Variants in NRXN3 observed in about 807,000 individuals in gnomAD.
The protein encoded by NRXN3 is neurexin 3, also known as neurexin III.
In NRXN3, 32 loss-of-function variants were observed where a neutral mutation model predicts 137.6. That is an observed-to-expected ratio of 0.23 (90% confidence interval 0.18 to 0.31). NRXN3 has a LOEUF of 0.31. Ranked by LOEUF, NRXN3 falls within the 10% of genes least tolerant of loss-of-function variation. The pLI is 1.00. For synonymous variants in NRXN3, 798 were observed against 784.5 expected (o/e 1.02, Z -0.29); for missense variants, 1,574 against 2,062.5 (o/e 0.76, Z 4.59).
intron 15 of NRXN3, among the ~76,000 whole-genome samples, chr14:79,123,592 T>G (rs2055867968): frequency 6.6e-6 from 1 of 152,138 alleles, no homozygotes; most frequent in Non-Finnish European, 1.5e-5. Flanking sequence ...AACTGTCCCC[T>G]CTCAAGGAGC....
At chr14:79,126,772 C>G (rs897506808) in intron 15 of NRXN3, among the ~76,000 whole-genome samples, 87 of 152,262 alleles carry the variant, frequency 5.7e-4, no homozygotes, top group African/African-American at 2.0e-3. Flanking sequence ...AATGGTTGAA[C>G]TAGTTTACAG....
chr14:78,766,660 T>G (rs1174037986), intron 8 of NRXN3, among the ~76,000 whole-genome samples: 1 of 152,210 alleles, frequency 6.6e-6, no homozygotes, highest in Non-Finnish European at 1.5e-5. Context: ...AGAGAAATGA[T>G]AACATGACTC....
chr14:79,620,929 A>G, intron 16 of NRXN3, among the ~76,000 whole-genome samples: 1 of 152,130 alleles, frequency 6.6e-6, no homozygotes, highest in Non-Finnish European at 1.5e-5. Context: ...GGAGATCTAC[A>G]TTTAGGAAGT....
At chr14:78,586,573 C>T (rs1273075362) in intron 4 of NRXN3, among the ~76,000 whole-genome samples, 1 of 152,134 alleles carries the variant, frequency 6.6e-6, no homozygotes, top group Admixed American at 6.5e-5. Flanking sequence ...GTCTGTAGTC[C>T]TCAGCCAAGG....
chr14:78,631,969 C>T (rs2097526520), intron 4 of NRXN3, among the ~76,000 whole-genome samples: 1 of 151,940 alleles, frequency 6.6e-6, no homozygotes, highest in Non-Finnish European at 1.5e-5. Flanking sequence ...AAAAAATTAG[C>T]CGGGCGTGGT....
chr14:79,480,552 A>G (rs1747596901), intron 16 of NRXN3, among the ~76,000 whole-genome samples: 1 of 152,300 alleles, frequency 6.6e-6, no homozygotes, highest in South Asian at 2.1e-4. Flanking sequence ...CACTTACGTA[A>G]GATGCAGGTG....
intron 4 of NRXN3, among the ~76,000 whole-genome samples, chr14:78,374,043 T>TA (rs1201591439): frequency 3.3e-5 from 5 of 152,324 alleles, no homozygotes; most frequent in African/African-American, 1.2e-4. Flanking sequence ...CATGTAGGCA[T>TA]AAAAGTGGGG....
intron 16 of NRXN3, among the ~76,000 whole-genome samples, chr14:79,546,500 T>C (rs1197969761): frequency 6.6e-6 from 1 of 152,186 alleles, no homozygotes; most frequent in Admixed American, 6.6e-5. Flanking sequence ...AAATGTAAGA[T>C]GTTTGAGTTT....
intron 15 of NRXN3, among the ~76,000 whole-genome samples, chr14:79,417,610 G>A (rs1218724455): frequency 6.6e-6 from 1 of 151,988 alleles, no homozygotes; most frequent in Non-Finnish European, 1.5e-5. Context: ...TAATATCCTG[G>A]GGCTGGGCAC....
At chr14:79,232,416 C>T (rs1019861204) in intron 15 of NRXN3, among the ~76,000 whole-genome samples, 1 of 152,066 alleles carries the variant, frequency 6.6e-6, no homozygotes, top group Non-Finnish European at 1.5e-5. Flanking sequence ...AAATTGTATT[C>T]AAAACAGAAC....
chr14:78,364,674 G>A (rs935840502), intron 4 of NRXN3, among the ~76,000 whole-genome samples: 6 of 152,140 alleles, frequency 3.9e-5, no homozygotes, highest in Non-Finnish European at 8.8e-5. Context: ...CACTCGTCAC[G>A]TTTTAGTTGT....
At chr14:78,923,745 G>A (rs1328149009) in intron 10 of NRXN3, among the ~76,000 whole-genome samples, 1 of 152,214 alleles carries the variant, frequency 6.6e-6, no homozygotes, top group Non-Finnish European at 1.5e-5. Context: ...ACTGTGCTAA[G>A]GCTTTTATAA....
intron 17 of NRXN3, among the ~76,000 whole-genome samples, chr14:79,664,259 G>A (rs1157414660): frequency 6.6e-6 from 1 of 152,078 alleles, no homozygotes; most frequent in East Asian, 1.9e-4. Flanking sequence ...TGAAGGGAAG[G>A]ATCATCTCTA....
intron 6 of NRXN3, among the ~76,000 whole-genome samples, chr14:78,696,151 G>T (rs2098223854): frequency 6.6e-6 from 1 of 151,946 alleles, no homozygotes; most frequent in African/African-American, 2.4e-5. Flanking sequence ...TGTGATCAAA[G>T]AATCTTAAAA....
At chr14:79,814,931 A>C (rs1224716337) in intron 20 of NRXN3, among the ~76,000 whole-genome samples, 1 of 152,234 alleles carries the variant, frequency 6.6e-6, no homozygotes, top group East Asian at 1.9e-4. Context: ...GTTCCACCTC[A>C]TGCATATTTT....
At chr14:79,752,591 G>A (rs576324806) in intron 19 of NRXN3, among the ~76,000 whole-genome samples, 2 of 152,226 alleles carry the variant, frequency 1.3e-5, no homozygotes, top group Admixed American at 6.5e-5. Flanking sequence ...AGACTTAAAT[G>A]TTAGACCTAA....
At chr14:79,673,557 T>C (rs1307360138) in intron 17 of NRXN3, among the ~76,000 whole-genome samples, 2 of 152,114 alleles carry the variant, frequency 1.3e-5, no homozygotes, top group Admixed American at 6.6e-5. Flanking sequence ...TTGCCTTTAA[T>C]GTAATAGAAG....
At chr14:79,366,769 G>T (rs538375773) in intron 15 of NRXN3, among the ~76,000 whole-genome samples, 1 of 152,106 alleles carries the variant, frequency 6.6e-6, no homozygotes, top group Admixed American at 6.6e-5. Flanking sequence ...CATGTGTGTG[G>T]CACAGGGAAG....
At chr14:79,132,671 A>T (rs1250840330) in intron 15 of NRXN3, among the ~76,000 whole-genome samples, 1 of 152,218 alleles carries the variant, frequency 6.6e-6, no homozygotes, top group South Asian at 2.1e-4. Flanking sequence ...GGTCTTCATC[A>T]TATTAATAAT....
Sources: allele counts gnomAD v4.1 joint callset (sites outside exome capture counted in the v4.1 genomes callset), GRCh38; gene constraint gnomAD v4.1.1; transcripts MANE v1.5; gene names NCBI Gene and HGNC (gene_info 2026-07-23, HGNC 2026-07-21).